SLC35B3: variants seen among roughly 807,000 people sequenced by gnomAD.
The protein encoded by SLC35B3 is solute carrier family 35 member B3, also known as adenosine 3'-phospho 5'-phosphosulfate transporter 2.
Under a neutral mutation model 44.1 loss-of-function variants are expected in SLC35B3, and 35 were observed. The observed-to-expected ratio is 0.79, with a 90% CI of 0.61 to 1.05. The LOEUF (loss-of-function observed/expected upper bound fraction) is 1.05, where lower values mean the gene tolerates loss of function less well. Ranked by LOEUF, SLC35B3 falls within the 50% of genes least tolerant of loss-of-function variation. The pLI is 0.00. For missense variants in SLC35B3, 414 were observed against 476.4 expected (o/e 0.87, Z 1.22); for synonymous variants, 146 against 167.3 (o/e 0.87, Z 0.98).
rs566127177 is a variant in SLC35B3 at position 8,419,508 on chromosome 6, A to G, written c.780+72T>C. 2.7e-6 allele frequency: 2 copies of G among 731,374 alleles called. No homozygotes were observed. Among genetic ancestry groups the G allele is most frequent in the Non-Finnish European group, 4.4e-6 (2 of 454,138 alleles). The allele number at this position is 731,374 out of a possible 1,614,324, so 45.3% of individuals were successfully genotyped here. A position where few individuals can be genotyped will look rare whatever the true frequency, so the allele number is the denominator to read the frequency against. On this transcript the variant is annotated intron_variant, in intron 7 of 10. Coordinates refer to ENST00000644923, the MANE Select transcript of SLC35B3 (RefSeq NM_001370476.2). This position sits in a 1 kb window ranked among gnomAD's most constrained non-coding sequence, Gnocchi z 4.3. The stretch of plus-strand genomic sequence containing the variant: ...AAATGCAATGCTAGTTATAATAATT[A>G]TTTCATCAAATTACGTGTATCACCA...
At chr6:8,424,275 G>C (rs187471262) in intron 4 of SLC35B3, among the ~76,000 whole-genome samples, 5 of 151,570 alleles carry the variant, frequency 3.3e-5, no homozygotes, top group Non-Finnish European at 5.9e-5. Flanking sequence ...TTTTTGAGAC[G>C]GAGTCTCGCT....
chr6:8,420,865 A>G lies in SLC35B3; in HGVS notation c.575-37T>C, dbSNP rs372101558. On this transcript the variant is annotated intron_variant, in intron 5 of 10. Coordinates refer to ENST00000644923, the MANE Select transcript of SLC35B3 (RefSeq NM_001370476.2). This position sits in a 1 kb window ranked among gnomAD's most constrained non-coding sequence, Gnocchi z 4.4. ...AAACGTAAGTCCACTTCATTATGCA[A>G]ATACCCACCCAGCTTTATATTTGCT... The G allele has an allele frequency of 9.5e-6, 14 of 1,476,236 alleles. No individual in the cohort carries two copies. The highest frequency in any genetic ancestry group is 1.4e-5 in the African/African-American group (1 of 71,782). 91.4% of individuals were successfully genotyped at this position (1,476,236 alleles called of 1,614,324 possible).
In SLC35B3 at chr6:8,414,976, C is replaced by T; in HGVS notation, c.987G>A (p.Val329=). ...TGGTCATTGCTTTTCTTCCTGTTGT[C>T]ACTGTAGGAGCAAAAAATTAGTTTA... Residue 329 remains valine, a splice_region_variant and synonymous_variant, in exon 10 of 11, where the codon GTG becomes GTA. Transcript: ENST00000644923. 2 of 1,601,294 alleles carry T rather than the reference C, an allele frequency of 1.2e-6. No individual in the cohort carries two copies. Among genetic ancestry groups the T allele is most frequent in the Non-Finnish European group, 1.7e-6 (2 of 1,171,360 alleles).
intron 3 of SLC35B3, 155 bp downstream of exon 2, chr6:8,429,709 G>T (rs200457404): frequency 1.9e-6 from 1 of 526,770 alleles, no homozygotes; most frequent in Non-Finnish European, 3.3e-6. Flanking sequence ...ATTTTGATCT[G>T]TTAAGAAGCT....
At chr6:8,431,207 A>G (rs1342902797) in intron 2 of SLC35B3, among the ~76,000 whole-genome samples, 4 of 152,230 alleles carry the variant, frequency 2.6e-5, no homozygotes, top group Non-Finnish European at 2.9e-5. Flanking sequence ...GAATTATGAC[A>G]AAGTATAGAA....
rs77422859 is a variant in SLC35B3 at position 8,420,541 on chromosome 6, T to G, written c.682+180A>C. Among the ~76,000 whole-genome samples the G allele has an allele frequency of 0.016, 2,386 of 152,310 alleles. 58 individuals are homozygous for G. Among genetic ancestry groups the G allele is most frequent in the African/African-American group, 0.055 (2,291 of 41,572 alleles). ...CATGCACACTAAAAAACAAACAAAT[T>G]GTTTTATCTACAGAGCTGTGATATT... On this transcript the variant is annotated intron_variant, in intron 6 of 10. Coordinates refer to ENST00000644923, the MANE Select transcript of SLC35B3 (RefSeq NM_001370476.2). This position sits in a 1 kb window ranked among gnomAD's most constrained non-coding sequence, Gnocchi z 4.4.
chr6:8,413,728 T>C lies in SLC35B3; in HGVS notation c.1056-29A>G, dbSNP rs535311133. The C allele has an allele frequency of 4.7e-4, 649 of 1,376,044 alleles. 8 individuals are homozygous for C. In the South Asian group the frequency reaches 8.5e-3, roughly 18 times the overall value. The allele number at this position is 1,376,044 out of a possible 1,614,324, so 85.2% of individuals were successfully genotyped here. ...AGAGAAAGAAATAAGGAAAAAAAAT[T>C]AAAATTAGCAAAATAACAATTTACT... is the stretch of plus-strand genomic sequence containing the variant. On this transcript the variant is annotated intron_variant, in intron 10 of 10. Coordinates refer to ENST00000644923, the MANE Select transcript of SLC35B3 (RefSeq NM_001370476.2).
intron 2 of SLC35B3, among the ~76,000 whole-genome samples, chr6:8,430,837 G>T (rs937265131): frequency 6.6e-6 from 1 of 152,110 alleles, no homozygotes; most frequent in Non-Finnish European, 1.5e-5. Context: ...GTTTGAGGCT[G>T]CAGTAATCTA....
rs1009963299 is a variant in SLC35B3 at position 8,435,103 on chromosome 6, G to A, written c.-44+240C>T. On this transcript the variant is annotated intron_variant, in intron 1 of 10. Transcript: ENST00000644923. This position sits in a 1 kb window ranked among gnomAD's most constrained non-coding sequence, Gnocchi z 5.5. Reference sequence around the variant, plus strand: ...CCTGCGAGTCCACGGATTGGGACCTGAGGGAGTTCTCGCCAGCCCGAGGGC... The same window carrying A: ...CCTGCGAGTCCACGGATTGGGACCTAAGGGAGTTCTCGCCAGCCCGAGGGC... 3.2e-6 allele frequency: 4 copies of A among 1,247,766 alleles called. No homozygotes were observed. In the African/African-American group the frequency reaches 6.2e-5, roughly 19 times the overall value. The allele number at this position is 1,247,766 out of a possible 1,614,324, so 77.3% of individuals were successfully genotyped here. A position where few individuals can be genotyped will look rare whatever the true frequency, so the allele number is the denominator to read the frequency against.
At position 8,412,336 on chromosome 6, in the gene SLC35B3, G is replaced by C. The variant is rs967390043; in HGVS notation, c.*1213C>G. Among the ~76,000 whole-genome samples, 1 of 152,116 alleles carries C rather than the reference G, an allele frequency of 6.6e-6. No homozygotes were observed. Among genetic ancestry groups the C allele is most frequent in the African/African-American group, 2.4e-5 (1 of 41,418 alleles). ...TTGTCCAAATTTGCTAACTCTACTT[G>C]TGTTTCTTAAATTTATCCTATTTTG... On this transcript the variant is annotated 3_prime_UTR_variant, in exon 11 of 11. Coordinates refer to ENST00000644923, the MANE Select transcript of SLC35B3 (RefSeq NM_001370476.2).
In SLC35B3 at chr6:8,421,509, G is replaced by T. The variant is rs1762886735; in HGVS notation, c.575-681C>A. ...ATTTTTAAAGGCTTATTCTGGGATGGTATCTAATGCATAAATGATATCAGG... is the reference window on the plus strand; with the variant it reads ...ATTTTTAAAGGCTTATTCTGGGATGTTATCTAATGCATAAATGATATCAGG... On this transcript the variant is annotated intron_variant, in intron 5 of 10. Transcript: ENST00000644923. Among the ~76,000 whole-genome samples, 3 of 152,260 alleles carry T rather than the reference G, an allele frequency of 2.0e-5. No homozygotes were observed. The South Asian group carries it at 6.2e-4, about 32-fold the overall frequency.
At chr6:8,426,133 A>G (rs1763387868) in intron 4 of SLC35B3, among the ~76,000 whole-genome samples, 1 of 149,438 alleles carries the variant, frequency 6.7e-6, no homozygotes, top group Non-Finnish European at 1.5e-5. Flanking sequence ...AAAAAGCAGA[A>G]TAACAATAGA....
In SLC35B3 at chr6:8,431,681, G is replaced by GT. The variant is rs1159282957; in HGVS notation, c.4-1525dup. On this transcript the variant is annotated intron_variant, in intron 2 of 10. Transcript: ENST00000644923. ...AAGACTTTTTATGTAATCTTGCAGG[G>GT]TATCTTTGAGATGTGACTTTCTTTT... Among the ~76,000 whole-genome samples the GT allele has an allele frequency of 7.9e-5, 12 of 152,200 alleles. No homozygotes were observed. The East Asian group carries it at 2.1e-3, about 27-fold the overall frequency.
rs78733136 is a variant in SLC35B3, at chr6:8,433,969, T to C, written c.3+416A>G. On this transcript the variant is annotated intron_variant, in intron 2 of 10. Transcript: ENST00000644923. This position sits in a 1 kb window ranked among gnomAD's most constrained non-coding sequence, Gnocchi z 4.1. ...AAATGAAGCATGGAATTAAAATTAG[T>C]TTTCAGACTAAATGATCAACATTGT... Among the ~76,000 whole-genome samples the C allele has an allele frequency of 2.0e-5, 3 of 151,732 alleles. No homozygotes were observed. In the East Asian group the frequency reaches 5.8e-4, roughly 30 times the overall value.
intron 4 of SLC35B3, among the ~76,000 whole-genome samples, chr6:8,423,039 G>A (rs1763071026): frequency 6.6e-6 from 1 of 152,096 alleles, no homozygotes; most frequent in East Asian, 1.9e-4. Context: ...CTAGGCTGGA[G>A]TGCAGTGGCA....
At chr6:8,417,096 A>C in intron 8 of SLC35B3, 101 bp from the exon 8 acceptor site, 1 of 650,332 alleles carries the variant, frequency 1.5e-6, no homozygotes, top group Non-Finnish European at 2.6e-6. Flanking sequence ...TTGAGCAATA[A>C]GTTGTTTGAC....
Position 8,429,893 on chromosome 6 carries a change from C to T in SLC35B3, c.268G>A (p.Val90Ile). 6.3e-7 allele frequency: 1 copy of T among 1,599,620 alleles called. No individual in the cohort carries two copies. The highest frequency in any genetic ancestry group is 8.5e-7 in the Non-Finnish European group (1 of 1,171,660). Residue 90 changes from valine to isoleucine, a missense_variant, in exon 3 of 11, where the codon GTA becomes ATA. By Grantham distance (29) the Val-to-Ile change is conservative. Coordinates refer to ENST00000644923, the MANE Select transcript of SLC35B3 (RefSeq NM_001370476.2). ...AAATACCCATAAATTAGGTAAAATA[C>T]AAAAACTCCAGCAACACATATGAAA...
At chr6:8,422,983 G>C (rs1413850093) in intron 4 of SLC35B3, among the ~76,000 whole-genome samples, 2 of 151,598 alleles carry the variant, frequency 1.3e-5, no homozygotes, top group East Asian at 3.9e-4. Flanking sequence ...GAGAAAAAGA[G>C]CTTCTTTTGT....
intron 9 of SLC35B3, among the ~76,000 whole-genome samples, chr6:8,415,666 T>C (rs544476357): frequency 5.3e-5 from 8 of 152,302 alleles, no homozygotes; most frequent in Admixed American, 4.6e-4. Flanking sequence ...ACTTAGTAAT[T>C]TATGCATGAA....
Sources: allele counts gnomAD v4.1 joint callset (sites outside exome capture counted in the v4.1 genomes callset), GRCh38; gene constraint gnomAD v4.1.1; non-coding constraint Gnocchi (gnomAD v3.1); transcripts MANE v1.5; gene names NCBI Gene and HGNC (gene_info 2026-07-23, HGNC 2026-07-21).